The following RSPH1 variants were observed in gnomAD, a reference collection of about 807,000 sequenced individuals.
The protein encoded by RSPH1 is radial spoke head 1 homolog.
In RSPH1, 32 loss-of-function variants were observed where a neutral mutation model predicts 44.2. The observed-to-expected ratio is 0.72, with a 90% CI of 0.55 to 0.97. RSPH1 has a LOEUF of 0.97. Ranked by LOEUF, RSPH1 falls within the 50% of genes least tolerant of loss-of-function variation. The pLI is 0.00. For missense variants in RSPH1, 391 were observed against 398.7 expected (o/e 0.98, Z 0.16); for synonymous variants, 134 against 147.3 (o/e 0.91, Z 0.65).
chr21:42,475,861 C>T lies in RSPH1; in HGVS notation c.877+37G>A, dbSNP rs151261651. On this transcript the variant is annotated intron_variant, in intron 8 of 8. Coordinates refer to ENST00000291536, the MANE Select transcript of RSPH1 (RefSeq NM_080860.4). ...TCCCACTGTTCGTGGCCCCTAAGTG[C>T]GGGCCCTCGCCCCACTTCCCTGCGC... 2,660 of 1,603,000 alleles carry T rather than the reference C, an allele frequency of 1.7e-3. 12 individuals carry two copies. Among genetic ancestry groups the T allele is most frequent in the Middle Eastern group, 6.1e-3 (37 of 6,052 alleles).
chr21:42,476,852 A>G (rs1468534473), intron 7 of RSPH1, among the ~76,000 whole-genome samples: 1 of 152,062 alleles, frequency 6.6e-6, no homozygotes, highest in African/African-American at 2.4e-5. Flanking sequence ...CCCTAATAAC[A>G]TCCCGCACAC....
rs2054078761 is a variant in RSPH1, at chr21:42,477,380, TG to T, written c.637del (p.Gln213LysfsTer52). ...VTVVPKWKAT[Q>X]ITELALWTPT... The stretch of plus-strand genomic sequence containing the variant: ...TGTCCACAGGGCCAATTCAGTGATT[TG>T]GGTAGCTTTCCATTTTGGAACAACA... On this transcript the variant is annotated frameshift_variant, in exon 7 of 9. Transcript: ENST00000291536. LOFTEE classifies it high-confidence loss of function. The T allele has an allele frequency of 6.2e-7, 1 of 1,614,190 alleles. No individual in the cohort carries two copies. Among genetic ancestry groups the T allele is most frequent in the Non-Finnish European group, 8.5e-7 (1 of 1,180,036 alleles).
At chr21:42,481,211 A>G (rs1236711345) in intron 6 of RSPH1, among the ~76,000 whole-genome samples, 2 of 151,990 alleles carry the variant, frequency 1.3e-5, no homozygotes, top group East Asian at 1.9e-4. Context: ...AAAAATATAT[A>G]TATATATACC....
At position 42,480,330 on chromosome 21, in the gene RSPH1, A is replaced by C. The variant is rs2054112690; in HGVS notation, c.573+2307T>G. On this transcript the variant is annotated intron_variant, in intron 6 of 8. Coordinates refer to ENST00000291536, the MANE Select transcript of RSPH1 (RefSeq NM_080860.4). ...AGAATCTAACAAACTCTAGGAAGAA[A>C]AATGAGAAAAGTTAAAAAACTGTCT... is the stretch of plus-strand genomic sequence containing the variant. Among the ~76,000 whole-genome samples the C allele has an allele frequency of 3.3e-5, 5 of 152,210 alleles. No individual in the cohort carries two copies. The South Asian group carries it at 1.0e-3, about 32-fold the overall frequency.
intron 3 of RSPH1, among the ~76,000 whole-genome samples, chr21:42,490,951 C>T (rs2054230273): frequency 6.6e-6 from 1 of 152,188 alleles, no homozygotes; most frequent in Admixed American, 6.5e-5. Context: ...ATAAACATAT[C>T]ATGTGCCAGG....
chr21:42,491,059 T>C (rs559888358), intron 3 of RSPH1, among the ~76,000 whole-genome samples: 4 of 152,330 alleles, frequency 2.6e-5, no homozygotes, highest in South Asian at 2.1e-4. Flanking sequence ...TGTTCATCCA[T>C]ATTCTTTATA....
chr21:42,472,790 A>T lies in RSPH1; in HGVS notation c.*28T>A. On this transcript the variant is annotated 3_prime_UTR_variant, in exon 9 of 9. Transcript: ENST00000291536. ...GGCTAACGACAGAAGCATTCTTATG[A>T]TACGATCTCCTCTCGGCTCACTTCA... The T allele has an allele frequency of 6.4e-7, 1 of 1,571,554 alleles. No individual in the cohort carries two copies. Among genetic ancestry groups the T allele is most frequent in the Non-Finnish European group, 8.7e-7 (1 of 1,143,428 alleles).
At chr21:42,480,640 CAAAAAAAAAA>C (rs780506820) in intron 6 of RSPH1, among the ~76,000 whole-genome samples, 1 of 38,744 alleles carries the variant, frequency 2.6e-5, no homozygotes, top group Non-Finnish European at 4.8e-5. Context: ...AACTCCATCT[CAAAAAAAAAA>C]AAAAAAAAAA....
At chr21:42,477,585 C>A in intron 6 of RSPH1, 141 bp from the exon 7 acceptor site, 1 of 780,180 alleles carries the variant, frequency 1.3e-6, no homozygotes, top group Non-Finnish European at 2.1e-6. Context: ...ACTCAGGAAT[C>A]AGACCAGTTG....
Position 42,482,676 on chromosome 21 carries a change from A to T in RSPH1, c.534T>A (p.Val178=). 6.2e-7 allele frequency: 1 copy of T among 1,613,744 alleles called. No individual in the cohort carries two copies. The highest frequency in any genetic ancestry group is 1.1e-5 in the South Asian group (1 of 91,006). Reference sequence around the variant, plus strand: ...GATATTCACCATGTTGTTCACACCCAACATCAAATACATACTTTCCAGGGC... The same window carrying T: ...GATATTCACCATGTTGTTCACACCCTACATCAAATACATACTTTCCAGGGC... ...PVGPGKYVFD[V]GCEQHGEYRL... The change falls in exon 6 of 9, where the codon GTT becomes GTA. Residue 178 remains valine, a synonymous_variant. Transcript: ENST00000291536.
chr21:42,482,314 C>A (rs917148124), intron 6 of RSPH1, among the ~76,000 whole-genome samples: 2 of 152,166 alleles, frequency 1.3e-5, no homozygotes, highest in Non-Finnish European at 1.5e-5. Flanking sequence ...AAACTCCTGA[C>A]CTAAAGCAAT....
Position 42,472,735 on chromosome 21 carries a change from C to T in RSPH1, c.*83G>A. 9.5e-7 allele frequency: 1 copy of T among 1,056,694 alleles called. No individual in the cohort carries two copies. Among genetic ancestry groups the T allele is most frequent in the Admixed American group, 2.2e-5 (1 of 45,812 alleles). 65.5% of individuals were successfully genotyped at this position (1,056,694 alleles called of 1,614,324 possible). A position where few individuals can be genotyped will look rare whatever the true frequency, so the allele number is the denominator to read the frequency against. ...CCTCCTGCCTCAGCCTCTCAAGTAG[C>T]TGGAACTAGATACACACAGCACTGC... On this transcript the variant is annotated 3_prime_UTR_variant, in exon 9 of 9. Transcript: ENST00000291536.
chr21:42,493,155 T>C lies in RSPH1; in HGVS notation c.55-76A>G, dbSNP rs2054253680. ...CCAGGTGCTAAGCATTTTGTAAATA[T>C]CATACCCTTGAGTCATCCCACTATG... On this transcript the variant is annotated intron_variant, in intron 1 of 8. Transcript: ENST00000291536. The C allele has an allele frequency of 2.5e-6, 3 of 1,222,132 alleles. No homozygotes were observed. In the South Asian group the frequency reaches 3.8e-5, roughly 15 times the overall value. The allele number at this position is 1,222,132 out of a possible 1,614,324, so 75.7% of individuals were successfully genotyped here.
At chr21:42,473,690 AT>A (rs397866713) in intron 8 of RSPH1, among the ~76,000 whole-genome samples, 2,023 of 152,252 alleles carry the variant, frequency 0.013, 54 homozygotes, top group African/African-American at 0.047. Flanking sequence ...AACTTGCATT[AT>A]TTTGATAAAT....
At chr21:42,494,084 T>C (rs1278147502) in intron 1 of RSPH1, among the ~76,000 whole-genome samples, 3 of 152,218 alleles carry the variant, frequency 2.0e-5, no homozygotes, top group Non-Finnish European at 4.4e-5. Flanking sequence ...ATAAAAAATG[T>C]GATCAAAGCT....
chr21:42,489,957 C>T (rs1022709147), intron 3 of RSPH1, among the ~76,000 whole-genome samples: 3 of 152,190 alleles, frequency 2.0e-5, no homozygotes, highest in African/African-American at 7.2e-5. Flanking sequence ...CATTCTTAAA[C>T]TTCTTTGTTT....
intron 6 of RSPH1, among the ~76,000 whole-genome samples, chr21:42,481,795 TCAACACA>T (rs1395298038): frequency 1.3e-5 from 2 of 152,186 alleles, no homozygotes; most frequent in Non-Finnish European, 2.9e-5. Context: ...TATTCCCACC[TCAACACA>T]CATACGCATC....
At chr21:42,489,467 C>T (rs1265723248) in intron 3 of RSPH1, among the ~76,000 whole-genome samples, 3 of 152,190 alleles carry the variant, frequency 2.0e-5, no homozygotes, top group Non-Finnish European at 4.4e-5. Flanking sequence ...AGCAGTTTGT[C>T]TGGCACTTGG....
Position 42,472,655 on chromosome 21 carries a change from G to T in RSPH1, c.*163C>A. 1 of 524,204 alleles carries T rather than the reference G, an allele frequency of 1.9e-6. No homozygotes were observed. 32.5% of individuals were successfully genotyped at this position (524,204 alleles called of 1,614,324 possible). ...GTCTCGCTCTGCCACCCAGGCTGGA[G>T]AGCAGTGGCGCGATCTCCACTCACT... On this transcript the variant is annotated 3_prime_UTR_variant, in exon 9 of 9. Coordinates refer to ENST00000291536, the MANE Select transcript of RSPH1 (RefSeq NM_080860.4).
Sources: gnomAD v4.1 joint callset for allele counts (sites outside exome capture counted in the v4.1 genomes callset) on GRCh38, gnomAD v4.1.1 for gene constraint, MANE v1.5 for transcripts, NCBI Gene and HGNC (gene_info 2026-07-23, HGNC 2026-07-21) for gene names.